Variants in SGCZ observed in about 807,000 individuals in gnomAD.
SGCZ encodes the protein zeta-sarcoglycan.
Under a neutral mutation model 41.3 loss-of-function variants are expected in SGCZ, and 40 were observed. The observed-to-expected ratio is 0.97, with a 90% confidence interval of 0.75 to 1.26. The LOEUF is 1.26. Ranked by LOEUF, SGCZ falls within the 50% of genes most tolerant of loss-of-function variation. The pLI, the probability that SGCZ is intolerant of heterozygous loss-of-function variation, is 0.00. For synonymous variants in SGCZ, 206 were observed against 137.5 expected (o/e 1.50, Z -3.49); for missense variants, 552 against 369.8 (o/e 1.49, Z -4.04).
chr8:15,111,759 G>A (rs1295378468), intron 1 of SGCZ, among the ~76,000 whole-genome samples: 1 of 152,074 alleles, frequency 6.6e-6, no homozygotes, highest in Non-Finnish European at 1.5e-5. Context: ...AATTAGCTGG[G>A]TGTGGTGGCG....
rs890954055 is a variant in SGCZ at position 14,456,002 on chromosome 8, C to A, written c.234+98730G>T. Among the ~76,000 whole-genome samples, 14 of 152,200 alleles carry A rather than the reference C, an allele frequency of 9.2e-5. 1 individual carries two copies. The highest frequency in any genetic ancestry group is 3.4e-4 in the African/African-American group (14 of 41,516). On this transcript the variant is annotated intron_variant, in intron 2 of 7. Transcript: ENST00000382080. ...TTGGAGGGGAGGGGATGCGGAGTGA[C>A]TGTTAAATGGCTACAAGGCCATTTT...
At chr8:14,470,896 G>A (rs577168976) in intron 2 of SGCZ, among the ~76,000 whole-genome samples, 2 of 152,074 alleles carry the variant, frequency 1.3e-5, no homozygotes, top group South Asian at 2.1e-4. Context: ...ACAATAAGTC[G>A]TGTTAACAAT....
intron 1 of SGCZ, among the ~76,000 whole-genome samples, chr8:15,202,318 C>T (rs867848702): frequency 2.0e-5 from 3 of 151,982 alleles, no homozygotes; most frequent in Admixed American, 6.6e-5. Flanking sequence ...ACTAGTCAGC[C>T]GTAAGAAGGA....
intron 1 of SGCZ, among the ~76,000 whole-genome samples, chr8:15,055,689 C>T (rs779900498): frequency 9.9e-5 from 15 of 152,202 alleles, no homozygotes; most frequent in African/African-American, 2.2e-4. Flanking sequence ...TGTCAACCAA[C>T]GAGAATTACC....
At chr8:15,068,260 A>T (rs1177664221) in intron 1 of SGCZ, among the ~76,000 whole-genome samples, 3 of 152,146 alleles carry the variant, frequency 2.0e-5, no homozygotes, top group Non-Finnish European at 4.4e-5. Context: ...TTTGTTTCTG[A>T]TTTCCATTCT....
At chr8:14,380,567 A>G (rs76012863) in intron 2 of SGCZ, among the ~76,000 whole-genome samples, 17 of 152,106 alleles carry the variant, frequency 1.1e-4, no homozygotes, top group African/African-American at 4.1e-4. Context: ...GAATTGTGCA[A>G]TGTAGGCCAG....
chr8:14,145,719 T>C lies in SGCZ; in HGVS notation c.547+18861A>G, dbSNP rs190210126. Reference sequence around the variant, plus strand: ...ATTCAAGATAACACAGATAAGGAATTCAGAATGCTACCCAATAAATTTATC... The same window carrying C: ...ATTCAAGATAACACAGATAAGGAATCCAGAATGCTACCCAATAAATTTATC... On this transcript the variant is annotated intron_variant, in intron 5 of 7. Transcript: ENST00000382080. Among the ~76,000 whole-genome samples the C allele has an allele frequency of 4.9e-3, 753 of 152,262 alleles. 8 individuals are homozygous for C. The highest frequency in any genetic ancestry group is 0.017 in the African/African-American group (701 of 41,540).
intron 1 of SGCZ, among the ~76,000 whole-genome samples, chr8:14,932,879 T>C (rs578114799): frequency 2.8e-4 from 42 of 152,034 alleles, no homozygotes; most frequent in Non-Finnish European, 5.0e-4. Context: ...ACTGTGCATC[T>C]AGTGGTAAGT....
At chr8:14,716,153 T>C (rs1016801909) in intron 1 of SGCZ, among the ~76,000 whole-genome samples, 5 of 151,856 alleles carry the variant, frequency 3.3e-5, no homozygotes, top group African/African-American at 1.2e-4. Flanking sequence ...AAGAATGACA[T>C]AATTGAGCCG....
At chr8:15,029,612 C>G (rs1484744509) in intron 1 of SGCZ, among the ~76,000 whole-genome samples, 1 of 151,948 alleles carries the variant, frequency 6.6e-6, no homozygotes, top group Non-Finnish European at 1.5e-5. Context: ...AAATTTTGTT[C>G]CCTTTACTCA....
At chr8:14,741,512 A>G (rs1419888976) in intron 1 of SGCZ, among the ~76,000 whole-genome samples, 3 of 152,200 alleles carry the variant, frequency 2.0e-5, no homozygotes, top group East Asian at 1.9e-4. Context: ...TAGCTTCTCC[A>G]TAATATAACA....
At chr8:14,533,311 TA>T in intron 2 of SGCZ, among the ~76,000 whole-genome samples, 1 of 151,562 alleles carries the variant, frequency 6.6e-6, no homozygotes, top group East Asian at 2.0e-4. Context: ...AAGAATTTTT[TA>T]CATTTTTGTA....
intron 1 of SGCZ, among the ~76,000 whole-genome samples, chr8:14,933,999 C>T (rs185084087): frequency 6.6e-6 from 1 of 151,988 alleles, no homozygotes; most frequent in East Asian, 1.9e-4. Flanking sequence ...CCAACAGGCC[C>T]TCTTATCGAT....
chr8:14,470,979 G>T (rs1585559102), intron 2 of SGCZ, among the ~76,000 whole-genome samples: 1 of 152,092 alleles, frequency 6.6e-6, no homozygotes, highest in South Asian at 2.1e-4. Context: ...CCAGTAAGAG[G>T]CGCTACCCTA....
intron 1 of SGCZ, among the ~76,000 whole-genome samples, chr8:15,035,486 T>C (rs945552305): frequency 2.0e-5 from 3 of 152,136 alleles, no homozygotes; most frequent in African/African-American, 7.2e-5. Flanking sequence ...ATATCAGTTG[T>C]AAATCGTTAC....
chr8:14,561,108 C>T (rs1042053504), intron 1 of SGCZ, among the ~76,000 whole-genome samples: 3 of 151,900 alleles, frequency 2.0e-5, no homozygotes, highest in African/African-American at 7.2e-5. Flanking sequence ...TGTTTTAGTG[C>T]AATAGTAGTA....
intron 2 of SGCZ, among the ~76,000 whole-genome samples, chr8:14,416,240 T>C (rs1239151951): frequency 1.3e-5 from 2 of 151,920 alleles, no homozygotes; most frequent in Non-Finnish European, 2.9e-5. Context: ...AGGCAGACAT[T>C]TCCTATAAGA....
intron 1 of SGCZ, among the ~76,000 whole-genome samples, chr8:14,747,258 T>A (rs953756311): frequency 6.6e-6 from 1 of 152,102 alleles, no homozygotes; most frequent in African/African-American, 2.4e-5. Flanking sequence ...TGAATACCCA[T>A]CTCGTCTCCT....
intron 1 of SGCZ, among the ~76,000 whole-genome samples, chr8:14,650,654 A>G (rs1168001003): frequency 2.6e-5 from 4 of 152,004 alleles, no homozygotes; most frequent in Non-Finnish European, 5.9e-5. Flanking sequence ...AGAAGCTTCA[A>G]TTCTTAGCTG....
Sources: allele counts gnomAD v4.1 joint callset (sites outside exome capture counted in the v4.1 genomes callset), GRCh38; gene constraint gnomAD v4.1.1; transcripts MANE v1.5; gene names NCBI Gene and HGNC (gene_info 2026-07-23, HGNC 2026-07-21).